The following LINGO2 variants were observed in gnomAD, a reference collection of about 807,000 sequenced individuals.
LINGO2 encodes leucine rich repeat and Ig domain containing 2.
A neutral mutation model predicts 30.6 loss-of-function variants in LINGO2; 14 were observed. That is an observed-to-expected ratio of 0.46 (90% CI 0.30 to 0.72). The LOEUF is 0.72. Among genes scored for constraint, LINGO2 ranks in the 30% least tolerant of loss-of-function variants. The pLI, the probability that LINGO2 is intolerant of heterozygous loss-of-function variation, is 0.07. For missense variants in LINGO2, 729 were observed against 751.7 expected (o/e 0.97, Z 0.35); for synonymous variants, 317 against 288.5 (o/e 1.10, Z -1.00).
At chr9:28,479,931 A>AGG (rs1825886776) in intron 1 of LINGO2, among the ~76,000 whole-genome samples, 7 of 116,744 alleles carry the variant, frequency 6.0e-5, no homozygotes, top group African/African-American at 3.0e-4. Flanking sequence ...ATATATATAT[A>AGG]TATATATATA....
the LINGO2 span, among the ~76,000 whole-genome samples, chr9:28,940,807 C>A: frequency 2.0e-5 from 3 of 152,086 alleles, no homozygotes; most frequent in African/African-American, 7.2e-5. Flanking sequence ...GCCTGTGCTC[C>A]TGCTGTTTGC....
chr9:29,011,235 A>C, the LINGO2 span, among the ~76,000 whole-genome samples: 1 of 152,172 alleles, frequency 6.6e-6, no homozygotes, highest in Non-Finnish European at 1.5e-5. Flanking sequence ...CTGTGGGTGA[A>C]AACCAAATAG....
At chr9:28,282,761 G>A (rs1214845660) in intron 4 of LINGO2, among the ~76,000 whole-genome samples, 3 of 152,014 alleles carry the variant, frequency 2.0e-5, no homozygotes, top group Non-Finnish European at 4.4e-5. Context: ...GGAATTCTTG[G>A]CTAGGAAATT....
intron 4 of LINGO2, among the ~76,000 whole-genome samples, chr9:28,169,215 C>T (rs1279093370): frequency 3.3e-5 from 5 of 152,164 alleles, no homozygotes; most frequent in African/African-American, 1.2e-4. Flanking sequence ...ATAGTTGAGG[C>T]AGCAGCATGC....
At chr9:28,509,692 CAGCCTTCTACA>C (rs1332650627) in intron 1 of LINGO2, among the ~76,000 whole-genome samples, 1 of 152,128 alleles carries the variant, frequency 6.6e-6, no homozygotes, top group Non-Finnish European at 1.5e-5. Context: ...AGAGAGATGA[CAGCCTTCTACA>C]AGCTAGGAAG....
the LINGO2 span, among the ~76,000 whole-genome samples, chr9:29,094,371 G>A: frequency 2.2e-5 from 3 of 138,986 alleles, no homozygotes; most frequent in Non-Finnish European, 3.1e-5. Context: ...TCAAGAAGAT[G>A]TTATATGGCC....
intron 5 of LINGO2, among the ~76,000 whole-genome samples, chr9:27,955,112 T>C (rs1208872861): frequency 2.6e-5 from 4 of 152,202 alleles, no homozygotes; most frequent in Admixed American, 2.6e-4. Flanking sequence ...AAGTCATGGA[T>C]ATGTTTTATA....
chr9:28,543,595 C>G (rs113476453), intron 1 of LINGO2, among the ~76,000 whole-genome samples: 4 of 151,670 alleles, frequency 2.6e-5, no homozygotes, highest in Non-Finnish European at 5.9e-5. Flanking sequence ...AAAGTGTTAA[C>G]AAAAAAAGGT....
intron 1 of LINGO2, among the ~76,000 whole-genome samples, chr9:28,613,850 T>G (rs1174671564): frequency 6.6e-6 from 1 of 152,208 alleles, no homozygotes; most frequent in African/African-American, 2.4e-5. Flanking sequence ...GCAGCAGTGG[T>G]CCATTGGACA....
At chr9:28,747,093 G>C in the LINGO2 span, among the ~76,000 whole-genome samples, 3 of 151,980 alleles carry the variant, frequency 2.0e-5, no homozygotes, top group African/African-American at 7.3e-5. Context: ...TGCCCAAAAA[G>C]TTGCCTTTTG....
chr9:29,049,270 A>G, the LINGO2 span, among the ~76,000 whole-genome samples: 1,291 of 152,338 alleles, frequency 8.5e-3, 21 homozygotes, highest in African/African-American at 0.03. Flanking sequence ...ATGAGATATT[A>G]TATCATCCCA....
rs76223085 is a variant in LINGO2 at position 28,447,271 on chromosome 9, G to C, written c.-279+28669C>G. Among the ~76,000 whole-genome samples the C allele has an allele frequency of 8.3e-3, 1,261 of 152,242 alleles. 19 individuals carry two copies. Among genetic ancestry groups the C allele is most frequent in the African/African-American group, 0.027 (1,127 of 41,538 alleles). On this transcript the variant is annotated intron_variant, in intron 2 of 5. Coordinates refer to ENST00000379992, the Ensembl canonical transcript of LINGO2. ...AATGCAACAGTATTAAGAGGTGGAG[G>C]CTTTAGAAGGTGATTAATCATGAGG...
the LINGO2 span, among the ~76,000 whole-genome samples, chr9:28,675,905 G>GTATATA: frequency 6.7e-3 from 844 of 126,036 alleles, 15 homozygotes; most frequent in East Asian, 0.062. Context: ...GTGTGTGTAT[G>GTATATA]TATATATATA....
chr9:28,104,255 G>GTTTTTTTTTTTTTTT (rs1453019033), intron 4 of LINGO2, among the ~76,000 whole-genome samples: 21 of 75,158 alleles, frequency 2.8e-4, no homozygotes, highest in East Asian at 5.1e-4. Context: ...CCCAGTACAA[G>GTTTTTTTTTTTTTTT]TTTTTTGTTT....
chr9:28,781,919 T>C, the LINGO2 span, among the ~76,000 whole-genome samples: 15 of 152,202 alleles, frequency 9.9e-5, no homozygotes, highest in African/African-American at 3.4e-4. Flanking sequence ...CAGTAAGTTG[T>C]TGAAATGTGA....
chr9:28,530,644 G>A (rs1821197372), intron 1 of LINGO2, among the ~76,000 whole-genome samples: 1 of 152,052 alleles, frequency 6.6e-6, no homozygotes. Flanking sequence ...ATAGAACTAT[G>A]ATAGGGCTTA....
the LINGO2 span, among the ~76,000 whole-genome samples, chr9:28,790,388 G>C: frequency 1.0e-4 from 14 of 139,758 alleles, no homozygotes; most frequent in East Asian, 1.7e-3. Context: ...GAGTGCAGTC[G>C]TGCGATCTCG....
At chr9:28,989,065 C>A in the LINGO2 span, among the ~76,000 whole-genome samples, 1 of 152,134 alleles carries the variant, frequency 6.6e-6, no homozygotes, top group Non-Finnish European at 1.5e-5. Context: ...TGCAGTGGAA[C>A]ATACAAAACA....
At chr9:28,327,526 G>C (rs979611365) in intron 3 of LINGO2, among the ~76,000 whole-genome samples, 2 of 152,130 alleles carry the variant, frequency 1.3e-5, no homozygotes, top group African/African-American at 2.4e-5. Flanking sequence ...TCTCCCTTAG[G>C]GGGAGTGTGG....
Sources: gnomAD v4.1 joint callset for allele counts (sites outside exome capture counted in the v4.1 genomes callset) on GRCh38, gnomAD v4.1.1 for gene constraint, MANE v1.5 for transcripts, NCBI Gene and HGNC (gene_info 2026-07-23, HGNC 2026-07-21) for gene names.